Variants in CNOT10 observed in about 807,000 individuals in gnomAD.
The protein encoded by CNOT10 is CCR4-NOT transcription complex subunit 10, also known as CCR4-NOT transcription complex, subunit 10.
CNOT10 carries 30 observed loss-of-function variants against 94.6 expected under a neutral mutation model. The observed-to-expected ratio is 0.32, with a 90% confidence interval of 0.24 to 0.43. CNOT10 has a LOEUF of 0.43. Ranked by LOEUF, CNOT10 falls within the 20% of genes least tolerant of loss-of-function variation. CNOT10 has a pLI of 1.00. For missense variants in CNOT10, 759 were observed against 877.2 expected (o/e 0.87, Z 1.70); for synonymous variants, 289 against 301.6 (o/e 0.96, Z 0.43).
intron 1 of CNOT10, among the ~76,000 whole-genome samples, chr3:32,687,977 G>A (rs1696704117): frequency 6.6e-6 from 1 of 152,096 alleles, no homozygotes; most frequent in South Asian, 2.1e-4. Flanking sequence ...CAGGATATTT[G>A]TCACGGAGGG....
Position 32,716,225 on chromosome 3 carries a change from A to T in CNOT10, c.574A>T (p.Thr192Ser). The change falls in exon 6 of 19, where the codon ACT becomes TCT. Residue 192 changes from threonine to serine, a missense_variant and splice_region_variant. Physicochemically the swap from Thr to Ser is moderately conservative, Grantham distance 58. Coordinates refer to ENST00000328834, the MANE Select transcript of CNOT10 (RefSeq NM_015442.3). ...GNNNKNGKNE[T>S]GNNNNKDGSN... is the part of the protein sequence containing the mutation. ...TAAACTTTGTTTCATCACCCTACAG[A>T]CTGGTAATAACAACAACAAAGATGG... 6.5e-7 allele frequency: 1 copy of T among 1,548,558 alleles called. No individual in the cohort carries two copies. Among genetic ancestry groups the T allele is most frequent in the South Asian group, 1.2e-5 (1 of 84,590 alleles).
rs557732942 is a variant in CNOT10, at chr3:32,727,699, G to A, written c.1044G>A (p.Thr348=). 31 of 1,613,678 alleles carry A rather than the reference G, an allele frequency of 1.9e-5. No individual in the cohort carries two copies. In the East Asian group the frequency reaches 4.5e-4, roughly 23 times the overall value. Reference sequence around the variant, plus strand: ...AATTTTCAGGAAGACCCATGTGTACGTTACTAACCAATAAGAGATATGAGT... The same window carrying A: ...AATTTTCAGGAAGACCCATGTGTACATTACTAACCAATAAGAGATATGAGT... ...GKKFSGRPMC[T]LLTNKRYELL... The change falls in exon 10 of 19, where the codon ACG becomes ACA. Residue 348 remains threonine (T), a synonymous_variant. Coordinates refer to ENST00000328834, the MANE Select transcript of CNOT10 (RefSeq NM_015442.3).
chr3:32,737,271 T>A, intron 12 of CNOT10, 139 bp from the exon 13 acceptor site: 1 of 566,978 alleles, frequency 1.8e-6, no homozygotes, highest in East Asian at 3.1e-5. Flanking sequence ...GTTGAGATCG[T>A]GCAATTGCAC....
chr3:32,727,559 T>C (rs752168231), intron 9 of CNOT10, 109 bp from the exon 10 acceptor site: 1 of 724,670 alleles, frequency 1.4e-6, no homozygotes. Context: ...CAGATCAGGA[T>C]TATTGGTGTT....
chr3:32,757,138 T>G (rs986869820), intron 13 of CNOT10, among the ~76,000 whole-genome samples: 1 of 150,310 alleles, frequency 6.7e-6, no homozygotes, highest in Non-Finnish European at 1.5e-5. Context: ...ATACTAAATT[T>G]TGTAACTGTC....
At chr3:32,695,966 AGAGTGTGTGTGTGTGTGTGT>A (rs1405982235) in intron 1 of CNOT10, 79 of 616,720 alleles carry the variant, frequency 1.3e-4, no homozygotes, top group Middle Eastern at 9.1e-4. Flanking sequence ...CCTGTTGAAG[AGAGTGTGTGTGTGTGTGTGT>A]GTGTGTGTGT....
At chr3:32,710,668 A>G (rs888778522) in intron 4 of CNOT10, among the ~76,000 whole-genome samples, 4 of 152,036 alleles carry the variant, frequency 2.6e-5, no homozygotes, top group Admixed American at 2.0e-4. Context: ...CTGTCTCTAC[A>G]GTTTTGCCTT....
chr3:32,732,028 G>A (rs1368601180), intron 10 of CNOT10, among the ~76,000 whole-genome samples: 19 of 152,044 alleles, frequency 1.2e-4, no homozygotes, highest in African/African-American at 3.9e-4. Flanking sequence ...GCAGTGAGCC[G>A]AGATTGTGCC....
chr3:32,687,747 C>G (rs1696693643), intron 1 of CNOT10: 2 of 152,128 alleles, frequency 1.3e-5, no homozygotes, highest in African/African-American at 4.8e-5. Context: ...GCCACCGCGC[C>G]CTGCCGTCCT....
In CNOT10 at chr3:32,762,831, C is replaced by T. The variant is rs374597639; in HGVS notation, c.1808C>T (p.Ser603Phe). 7.3e-5 allele frequency: 115 copies of T among 1,573,158 alleles called. No individual in the cohort carries two copies. The highest frequency in any genetic ancestry group is 3.3e-4 in the Middle Eastern group (2 of 5,984). ...AACCCGGAGAATGTCACTGATGTCT[C>T]CTTAGGGATCTCTTCAAATGAGCAG... is the stretch of plus-strand genomic sequence containing the variant. ...HLNPENVTDV[S>F]LGISSNEQDQ... The change falls in exon 15 of 19, where the codon TCC (serine) becomes TTC (phenylalanine). Residue 603 changes from serine to phenylalanine, a missense_variant. Coordinates refer to ENST00000328834, the MANE Select transcript of CNOT10 (RefSeq NM_015442.3).
intron 8 of CNOT10, among the ~76,000 whole-genome samples, chr3:32,724,447 C>G (rs1230258962): frequency 2.1e-5 from 3 of 141,974 alleles, no homozygotes; most frequent in African/African-American, 7.9e-5. Context: ...GAGTCTTGCT[C>G]TGTCACTCAG....
chr3:32,695,813 T>C (rs1299804061), intron 1 of CNOT10: 1 of 1,535,832 alleles, frequency 6.5e-7, no homozygotes, highest in African/African-American at 1.4e-5. Context: ...TGGGATTATG[T>C]GCAGACTCTG....
At chr3:32,724,921 A>T (rs965547459) in intron 8 of CNOT10, among the ~76,000 whole-genome samples, 1 of 152,234 alleles carries the variant, frequency 6.6e-6, no homozygotes, top group Non-Finnish European at 1.5e-5. Flanking sequence ...GTTTCCATGC[A>T]TACTTGCTTC....
rs772069068 is a variant in CNOT10, at chr3:32,737,501, A to G, written c.1595+11A>G. 6.5e-7 allele frequency: 1 copy of G among 1,529,066 alleles called. No homozygotes were observed. The highest frequency in any genetic ancestry group is 9.1e-7 in the Non-Finnish European group (1 of 1,104,092). The allele number at this position is 1,529,066 out of a possible 1,614,324, so 94.7% of individuals were successfully genotyped here. ...ATTAGAAAACTTAAAGTGAGTATCTAAACAAAATTAGCATTGCATCTATTG... is the reference window on the plus strand; with the variant it reads ...ATTAGAAAACTTAAAGTGAGTATCTGAACAAAATTAGCATTGCATCTATTG... On this transcript the variant is annotated intron_variant, in intron 13 of 18. Coordinates refer to ENST00000328834, the MANE Select transcript of CNOT10 (RefSeq NM_015442.3).
chr3:32,765,317 C>T (rs75336412), intron 17 of CNOT10: 1 of 39,834 alleles, frequency 2.5e-5, no homozygotes, highest in Non-Finnish European at 5.4e-5. Flanking sequence ...GACTCCGTCT[C>T]AAAAAAAAAA....
chr3:32,690,113 G>A (rs1696788596), intron 1 of CNOT10, among the ~76,000 whole-genome samples: 2 of 152,164 alleles, frequency 1.3e-5, no homozygotes, highest in African/African-American at 4.8e-5. Context: ...GAAGAGAGTG[G>A]AAGTTTTCAA....
At chr3:32,755,905 G>A (rs1251398461) in intron 13 of CNOT10, among the ~76,000 whole-genome samples, 2 of 151,998 alleles carry the variant, frequency 1.3e-5, no homozygotes, top group African/African-American at 4.8e-5. Context: ...CTTCCCTTGA[G>A]GTATAGTTCT....
At chr3:32,704,205 T>A (rs1697505466) in intron 2 of CNOT10, among the ~76,000 whole-genome samples, 1 of 152,228 alleles carries the variant, frequency 6.6e-6, no homozygotes, top group African/African-American at 2.4e-5. Flanking sequence ...CTGTTGTTTT[T>A]AAGTCTTTTA....
intron 7 of CNOT10, among the ~76,000 whole-genome samples, chr3:32,718,386 C>T (rs1177776485): frequency 1.3e-5 from 2 of 149,294 alleles, no homozygotes; most frequent in South Asian, 2.1e-4. Flanking sequence ...AGATCGAGAC[C>T]ATCCTGGTTA....
Sources: allele counts gnomAD v4.1 joint callset (sites outside exome capture counted in the v4.1 genomes callset), GRCh38; gene constraint gnomAD v4.1.1; transcripts MANE v1.5; gene names NCBI Gene and HGNC (gene_info 2026-07-23, HGNC 2026-07-21).